DRC11: variants seen among roughly 807,000 people sequenced by gnomAD.
DRC11 encodes the protein IQ and AAA domain-containing protein 1.
the DRC11 span, among the ~76,000 whole-genome samples, chr2:236,459,586 TAC>T: frequency 6.9e-6 from 1 of 145,698 alleles, no homozygotes; most frequent in African/African-American, 2.5e-5. Context: ...CATACGTATA[TAC>T]GTATACGTAT....
chr2:236,477,457 G>T, the DRC11 span, among the ~76,000 whole-genome samples: 1 of 152,166 alleles, frequency 6.6e-6, no homozygotes, highest in African/African-American at 2.4e-5. Flanking sequence ...TAAGGAGAAG[G>T]AGAAAGAGGA....
At chr2:236,443,732 T>A in the DRC11 span, among the ~76,000 whole-genome samples, 43 of 152,244 alleles carry the variant, frequency 2.8e-4, no homozygotes, top group Non-Finnish European at 5.7e-4. The surrounding 1 kb of genome is among the most constrained non-coding windows in gnomAD (Gnocchi z 4.4). Flanking sequence ...TTTGGCTATA[T>A]ACCCAGTAAT....
the DRC11 span, among the ~76,000 whole-genome samples, chr2:236,330,633 TC>T: frequency 3.1e-4 from 47 of 152,206 alleles, 1 homozygote; most frequent in Admixed American, 3.1e-3. This position sits in a 1 kb window ranked among gnomAD's most constrained non-coding sequence, Gnocchi z 5.5. Flanking sequence ...CAGTGCCCCT[TC>T]TGGTGACTGC....
At chr2:236,357,699 G>C in the DRC11 span, among the ~76,000 whole-genome samples, 1 of 84,668 alleles carries the variant, frequency 1.2e-5, no homozygotes, top group Admixed American at 1.1e-4. Flanking sequence ...GTAAATATCT[G>C]ATATGTAAAT....
At chr2:236,467,645 T>C in the DRC11 span, among the ~76,000 whole-genome samples, 1 of 152,150 alleles carries the variant, frequency 6.6e-6, no homozygotes, top group East Asian at 1.9e-4. Context: ...AATCCAGGAA[T>C]ACTAGGGAGC....
the DRC11 span, among the ~76,000 whole-genome samples, chr2:236,448,871 T>C: frequency 2.0e-5 from 3 of 151,994 alleles, no homozygotes; most frequent in African/African-American, 7.3e-5. This position sits in a 1 kb window ranked among gnomAD's most constrained non-coding sequence, Gnocchi z 5.3. Flanking sequence ...ATTTTTTATT[T>C]TTTTCTGAGA....
At chr2:236,411,925 T>C in the DRC11 span, among the ~76,000 whole-genome samples, 25 of 145,320 alleles carry the variant, frequency 1.7e-4, no homozygotes, top group Non-Finnish European at 2.6e-4. Context: ...AGGGATAGCA[T>C]TGGGAGATAT....
chr2:236,368,142 A>G, the DRC11 span: 1 of 1,046,856 alleles, frequency 9.6e-7, no homozygotes, highest in African/African-American at 1.6e-5. Flanking sequence ...CAAACCAGCA[A>G]GCGGTGCAAG....
the DRC11 span, among the ~76,000 whole-genome samples, chr2:236,334,703 T>TTATA: frequency 6.6e-6 from 1 of 152,176 alleles, no homozygotes; most frequent in Non-Finnish European, 1.5e-5. The surrounding 1 kb of genome is among the most constrained non-coding windows in gnomAD (Gnocchi z 7.8). Context: ...ACATTCATTT[T>TTATA]TATTTGGAGT....
chr2:236,389,257 C>G, the DRC11 span, among the ~76,000 whole-genome samples: 9 of 152,330 alleles, frequency 5.9e-5, no homozygotes, highest in African/African-American at 1.9e-4. Context: ...GCCCCTCCCC[C>G]AGCCTCGCTG....
chr2:236,419,838 A>G, the DRC11 span, among the ~76,000 whole-genome samples: 1 of 152,260 alleles, frequency 6.6e-6, no homozygotes, highest in African/African-American at 2.4e-5. This position sits in a 1 kb window ranked among gnomAD's most constrained non-coding sequence, Gnocchi z 4.8. Context: ...GATTAGCACT[A>G]CTGGAGAATT....
the DRC11 span, among the ~76,000 whole-genome samples, chr2:236,414,506 AGTACAGATGGGGTCTCGCT>A: frequency 2.0e-5 from 3 of 151,952 alleles, no homozygotes; most frequent in African/African-American, 7.2e-5. Context: ...TTTTGTTTTT[AGTACAGATGGGGTCTCGCT>A]GTGTTGCCCA....
the DRC11 span, among the ~76,000 whole-genome samples, chr2:236,498,250 G>A: frequency 1.3e-5 from 2 of 151,188 alleles, no homozygotes; most frequent in Non-Finnish European, 2.9e-5. Flanking sequence ...GGTGGATCAC[G>A]AGGTCAGGAG....
the DRC11 span, among the ~76,000 whole-genome samples, chr2:236,377,415 A>C: frequency 4.6e-5 from 7 of 152,352 alleles, no homozygotes; most frequent in South Asian, 1.5e-3. This position sits in a 1 kb window ranked among gnomAD's most constrained non-coding sequence, Gnocchi z 4.9. Context: ...TCCCATTAAT[A>C]AGAACGATAT....
chr2:236,312,166 T>C, the DRC11 span, among the ~76,000 whole-genome samples: 2 of 152,190 alleles, frequency 1.3e-5, no homozygotes, highest in Non-Finnish European at 2.9e-5. Context: ...AGTACAAAAA[T>C]TAAAACTAAC....
chr2:236,477,758 T>C, the DRC11 span, among the ~76,000 whole-genome samples: 1 of 152,168 alleles, frequency 6.6e-6, no homozygotes, highest in East Asian at 1.9e-4. Flanking sequence ...CATGGTTCAA[T>C]TTTGGTAGGT....
At chr2:236,338,426 A>C in the DRC11 span, 1 of 1,527,322 alleles carries the variant, frequency 6.5e-7, no homozygotes, top group East Asian at 2.3e-5. Context: ...AGAAAAAAAG[A>C]ATGAAAAAAT....
the DRC11 span, among the ~76,000 whole-genome samples, chr2:236,390,709 A>G: frequency 2.0e-5 from 3 of 152,112 alleles, no homozygotes; most frequent in Admixed American, 1.3e-4. The surrounding 1 kb of genome is among the most constrained non-coding windows in gnomAD (Gnocchi z 5.9). Context: ...ACTACACCAC[A>G]AAAGTGGAGA....
chr2:236,389,408 G>T, the DRC11 span, among the ~76,000 whole-genome samples: 4 of 152,200 alleles, frequency 2.6e-5, no homozygotes, highest in Admixed American at 2.6e-4. Context: ...GTATTCGGGT[G>T]GGAGTGACCC....
Sources: gnomAD v4.1 joint callset for allele counts (sites outside exome capture counted in the v4.1 genomes callset) on GRCh38, gnomAD v4.1.1 for gene constraint, Gnocchi (gnomAD v3.1) non-coding constraint, MANE v1.5 for transcripts, NCBI Gene and HGNC (gene_info 2026-07-23, HGNC 2026-07-21) for gene names.